The following PPP2R2C variants were observed in gnomAD, a reference collection of about 807,000 sequenced individuals.
PPP2R2C encodes protein phosphatase 2, regulatory subunit B, gamma.
Under a neutral mutation model 45.3 loss-of-function variants are expected in PPP2R2C, and 10 were observed. The observed-to-expected ratio is 0.22, with a 90% CI of 0.14 to 0.37. The LOEUF is 0.37. Among genes scored for constraint, PPP2R2C ranks in the 10% least tolerant of loss-of-function variants. The pLI, the probability that PPP2R2C is intolerant of heterozygous loss-of-function variation, is 1.00. For synonymous variants in PPP2R2C, 257 were observed against 245.4 expected (o/e 1.05, Z -0.44); for missense variants, 308 against 619.7 (o/e 0.50, Z 5.34).
chr4:6,411,371 G>C (rs1018277345), intron 1 of PPP2R2C, among the ~76,000 whole-genome samples: 4 of 152,056 alleles, frequency 2.6e-5, no homozygotes, highest in Non-Finnish European at 5.9e-5. Context: ...CTGATGGCGT[G>C]ACGCTCCCAG....
At chr4:6,369,748 G>A (rs1160742684) in intron 5 of PPP2R2C, among the ~76,000 whole-genome samples, 2 of 152,128 alleles carry the variant, frequency 1.3e-5, no homozygotes, top group Admixed American at 1.3e-4. Context: ...CTTCCTTGGC[G>A]GCCCCCACAG....
chr4:6,379,635 C>A (rs1408733105), intron 2 of PPP2R2C, among the ~76,000 whole-genome samples: 1 of 152,358 alleles, frequency 6.6e-6, no homozygotes, highest in Non-Finnish European at 1.5e-5. Context: ...GGCTGAGCTT[C>A]GCAGTGCCTG....
Position 6,445,202 on chromosome 4 carries a change from T to A in PPP2R2C, c.70+26958A>T, listed in dbSNP as rs1367367778. On this transcript the variant is annotated intron_variant, in intron 1 of 8. Transcript: ENST00000382599. Reference sequence around the variant, plus strand: ...AGACCCTGTCTCAACAAAAGCAAAATAAAAACAAAAAAAAAAACCCTCTCC... The same window carrying A: ...AGACCCTGTCTCAACAAAAGCAAAAAAAAAACAAAAAAAAAAACCCTCTCC... Among the ~76,000 whole-genome samples the A allele has an allele frequency of 1.7e-3, 240 of 145,210 alleles. 2 individuals are homozygous for A. Among genetic ancestry groups the A allele is most frequent in the African/African-American group, 5.7e-3 (221 of 38,954 alleles).
At position 6,368,715 on chromosome 4, in the gene PPP2R2C, C is replaced by T. The variant is rs569068206; in HGVS notation, c.625+3808G>A. On this transcript the variant is annotated intron_variant, in intron 5 of 8. Coordinates refer to ENST00000382599, the MANE Select transcript of PPP2R2C (RefSeq NM_020416.4). The surrounding 1 kb of genome is among the most constrained non-coding windows in gnomAD (Gnocchi z 4.2). Reference sequence around the variant, plus strand: ...CTCCATCCTTACAATCTCATTCCTCCACCGCCTCCCACCCGTGGCCACGCT... The same window carrying T: ...CTCCATCCTTACAATCTCATTCCTCTACCGCCTCCCACCCGTGGCCACGCT... Among the ~76,000 whole-genome samples the T allele has an allele frequency of 6.6e-6, 1 of 152,236 alleles. No individual in the cohort carries two copies. Among genetic ancestry groups the T allele is most frequent in the East Asian group, 1.9e-4 (1 of 5,176 alleles).
chr4:6,547,735 G>C (rs1387124818), intron 1 of PPP2R2C, among the ~76,000 whole-genome samples: 1 of 152,106 alleles, frequency 6.6e-6, no homozygotes, highest in East Asian at 1.9e-4. Context: ...TCAGCTAGTG[G>C]TGCTGAAACA....
At chr4:6,342,081 TACACACACAC>T (rs58305750) in intron 6 of PPP2R2C, among the ~76,000 whole-genome samples, 2,990 of 139,660 alleles carry the variant, frequency 0.021, 96 homozygotes, top group African/African-American at 0.061. Context: ...TCTGCCACGA[TACACACACAC>T]ACACACACAC....
intron 6 of PPP2R2C, among the ~76,000 whole-genome samples, chr4:6,340,135 C>T (rs1303834570): frequency 6.6e-6 from 1 of 152,066 alleles, no homozygotes; most frequent in African/African-American, 2.4e-5. Flanking sequence ...CACTCCCTGC[C>T]CAGCACCATG....
chr4:6,479,138 C>G (rs1365363634), intron 2 of PPP2R2C, among the ~76,000 whole-genome samples: 1 of 152,228 alleles, frequency 6.6e-6, no homozygotes, highest in African/African-American at 2.4e-5. Context: ...TCCCAAGTTA[C>G]TCAGCTCCTA....
At chr4:6,563,799 CG>C (rs1725661889), upstream of PPP2R2C, among the ~76,000 whole-genome samples, 1 of 100,064 alleles carries the variant, frequency 1.0e-5, no homozygotes, top group South Asian at 3.4e-4. The surrounding 1 kb of genome is among the most constrained non-coding windows in gnomAD (Gnocchi z 5.8). Context: ...CGGGCGGCTG[CG>C]GGGGGCCGGG....
At chr4:6,455,524 C>T (rs1720976792) in intron 1 of PPP2R2C, among the ~76,000 whole-genome samples, 1 of 152,164 alleles carries the variant, frequency 6.6e-6, no homozygotes, top group Non-Finnish European at 1.5e-5. Flanking sequence ...CAGCTCCCAG[C>T]CTGCCTGAAA....
At chr4:6,478,082 C>G (rs1722225173) in intron 2 of PPP2R2C, among the ~76,000 whole-genome samples, 1 of 152,206 alleles carries the variant, frequency 6.6e-6, no homozygotes. Flanking sequence ...GTTGCTTCTT[C>G]CCTGGACAGC....
intron 1 of PPP2R2C, among the ~76,000 whole-genome samples, chr4:6,400,793 C>T (rs1341239794): frequency 6.6e-6 from 1 of 152,202 alleles, no homozygotes; most frequent in Non-Finnish European, 1.5e-5. Flanking sequence ...GCCAATGGGA[C>T]CCCTGAATGC....
chr4:6,405,163 C>G (rs1408102366), intron 1 of PPP2R2C, among the ~76,000 whole-genome samples: 3 of 152,224 alleles, frequency 2.0e-5, no homozygotes, highest in Non-Finnish European at 4.4e-5. Context: ...CACAGCCCCC[C>G]TGGAAGGTAG....
Position 6,441,226 on chromosome 4 carries a change from C to T in PPP2R2C, c.70+30934G>A, listed in dbSNP as rs556794972. ...CTCAGGGCCCTCATGCATGAAAACA[C>T]TAAAGTGATTAGGGAATCTCAACAT... On this transcript the variant is annotated intron_variant, in intron 1 of 8. Coordinates refer to ENST00000382599, the MANE Select transcript of PPP2R2C (RefSeq NM_020416.4). 4.6e-5 allele frequency among the ~76,000 whole-genome samples: 7 copies of T among 152,258 alleles called. No individual in the cohort carries two copies. The East Asian group carries it at 7.7e-4, about 17-fold the overall frequency.
intron 1 of PPP2R2C, among the ~76,000 whole-genome samples, chr4:6,447,973 A>G (rs890810269): frequency 2.6e-5 from 4 of 152,084 alleles, no homozygotes; most frequent in African/African-American, 9.7e-5. Context: ...TTCCTGATGG[A>G]AATATTCTCT....
intron 3 of PPP2R2C, among the ~76,000 whole-genome samples, chr4:6,377,836 C>A (rs144616780): frequency 8.5e-5 from 13 of 152,160 alleles, no homozygotes; most frequent in African/African-American, 2.9e-4. Flanking sequence ...GGGAAGCAGG[C>A]GTCAGGCCGA....
intron 5 of PPP2R2C, chr4:6,351,418 G>A (rs1002394491): frequency 5.5e-5 from 53 of 970,228 alleles, no homozygotes; most frequent in Middle Eastern, 5.2e-4. Flanking sequence ...ACCCAGGGCC[G>A]GCTGAGGGGC....
chr4:6,553,815 C>G (rs1725266654), intron 1 of PPP2R2C, among the ~76,000 whole-genome samples: 1 of 152,132 alleles, frequency 6.6e-6, no homozygotes, highest in African/African-American at 2.4e-5. Flanking sequence ...CCAGATACCA[C>G]CAAGAAGTGA....
intron 1 of PPP2R2C, among the ~76,000 whole-genome samples, chr4:6,398,096 C>G (rs745405315): frequency 1.3e-5 from 2 of 152,230 alleles, no homozygotes; most frequent in African/African-American, 4.8e-5. Flanking sequence ...AATATCAACT[C>G]TTACACCATC....
Sources: allele counts gnomAD v4.1 joint callset (sites outside exome capture counted in the v4.1 genomes callset), GRCh38; gene constraint gnomAD v4.1.1; non-coding constraint Gnocchi (gnomAD v3.1); transcripts MANE v1.5; gene names NCBI Gene and HGNC (gene_info 2026-07-23, HGNC 2026-07-21).